The following DRC4 variants were observed in gnomAD, a reference collection of about 807,000 sequenced individuals.
DRC4 encodes the protein dynein regulatory complex subunit 4.
At chr16:90,036,680 C>T in the DRC4 span, 3 of 976,762 alleles carry the variant, frequency 3.1e-6, no homozygotes, top group Non-Finnish European at 4.8e-6. Flanking sequence ...GCTCTCCACC[C>T]CAACACACCC....
At chr16:90,020,688 C>G in the DRC4 span, 2 of 152,166 alleles carry the variant, frequency 1.3e-5, no homozygotes, top group African/African-American at 4.8e-5. Context: ...TTCAGGGCTC[C>G]CTGAATGATT....
the DRC4 span, chr16:90,043,296 G>A: frequency 3.7e-6 from 6 of 1,613,330 alleles, no homozygotes; most frequent in Non-Finnish European, 3.4e-6. Flanking sequence ...GCTGTGATCG[G>A]ACAGACACTG....
chr16:90,036,142 G>C, the DRC4 span: 20 of 584,492 alleles, frequency 3.4e-5, no homozygotes, highest in East Asian at 5.6e-4. Context: ...CCAGTGCAGG[G>C]AGCGATTAGC....
the DRC4 span, chr16:90,029,003 T>C: frequency 7.7e-7 from 1 of 1,305,282 alleles, no homozygotes; most frequent in African/African-American, 1.5e-5. Context: ...GTTTGTGTTC[T>C]GGAAAGATGT....
the DRC4 span, chr16:90,032,791 C>A: frequency 6.2e-7 from 1 of 1,613,974 alleles, no homozygotes; most frequent in African/African-American, 1.3e-5. Flanking sequence ...GCTGAGGGCA[C>A]TGTAGTCATG....
chr16:90,024,811 A>G, the DRC4 span, among the ~76,000 whole-genome samples: 1 of 151,996 alleles, frequency 6.6e-6, no homozygotes, highest in African/African-American at 2.4e-5. Flanking sequence ...ATCTCAAAAA[A>G]AACAAAAACA....
At chr16:90,043,592 C>A in the DRC4 span, 1 of 608,240 alleles carries the variant, frequency 1.6e-6, no homozygotes, top group East Asian at 3.1e-5. Flanking sequence ...GGCCTACTCC[C>A]TGGTCTCACC....
the DRC4 span, among the ~76,000 whole-genome samples, chr16:90,042,738 G>A: frequency 6.6e-6 from 1 of 152,192 alleles, no homozygotes; most frequent in Non-Finnish European, 1.5e-5. Context: ...TGCTGTCTAG[G>A]CCATGTCTCT....
At chr16:90,027,380 G>T in the DRC4 span, among the ~76,000 whole-genome samples, 2 of 152,140 alleles carry the variant, frequency 1.3e-5, no homozygotes, top group Non-Finnish European at 2.9e-5. Flanking sequence ...GAGCCACCAC[G>T]CCCGGCTCCT....
the DRC4 span, chr16:90,027,966 G>A: frequency 3.9e-6 from 2 of 507,024 alleles, no homozygotes; most frequent in African/African-American, 1.9e-5. Context: ...GGAAGGACAT[G>A]CTTTTCTGAT....
At chr16:90,019,705 G>T in the DRC4 span, 1 of 583,096 alleles carries the variant, frequency 1.7e-6, no homozygotes, top group Admixed American at 3.5e-5. This position sits in a 1 kb window ranked among gnomAD's most constrained non-coding sequence, Gnocchi z 6.1. Context: ...CCGGCCGGGC[G>T]TCCGGGGCTC....
the DRC4 span, among the ~76,000 whole-genome samples, chr16:90,026,194 G>A: frequency 1.3e-5 from 2 of 152,152 alleles, no homozygotes; most frequent in African/African-American, 4.8e-5. Context: ...AAAGTCAGCA[G>A]GATAGGATAT....
chr16:90,034,209 G>C, the DRC4 span, among the ~76,000 whole-genome samples: 3 of 152,198 alleles, frequency 2.0e-5, no homozygotes, highest in Non-Finnish European at 2.9e-5. Flanking sequence ...ACTTGGTGAC[G>C]TTGCTGACTT....
chr16:90,042,364 C>T, the DRC4 span: 1 of 850,822 alleles, frequency 1.2e-6, no homozygotes, highest in Non-Finnish European at 2.0e-6. Flanking sequence ...TCAAACCAGG[C>T]TGCTATTCGC....
the DRC4 span, chr16:90,037,322 C>T: frequency 9.3e-6 from 15 of 1,613,966 alleles, no homozygotes; most frequent in Non-Finnish European, 5.1e-6. Context: ...GGCAGACCCT[C>T]TCCAGAAGGC....
chr16:90,025,017 CTT>C, the DRC4 span, among the ~76,000 whole-genome samples: 33 of 137,246 alleles, frequency 2.4e-4, no homozygotes, highest in Non-Finnish European at 2.4e-4. Context: ...TTCTCTCTCT[CTT>C]TTTTTTTTTT....
At chr16:90,043,624 C>A in the DRC4 span, 8 of 587,176 alleles carry the variant, frequency 1.4e-5, no homozygotes, top group Non-Finnish European at 2.3e-5. Context: ...TCGGCGGCAC[C>A]TTCTCAGAGT....
chr16:90,036,315 A>G, the DRC4 span: 20 of 1,420,672 alleles, frequency 1.4e-5, no homozygotes, highest in Non-Finnish European at 1.7e-5. Flanking sequence ...TACAGGCTCC[A>G]TGTTCTGTAG....
the DRC4 span, chr16:90,040,362 G>A: frequency 1.2e-6 from 2 of 1,608,458 alleles, no homozygotes; most frequent in South Asian, 2.2e-5. Flanking sequence ...AGGTGCAGCA[G>A]AAGACAGGGT....
Sources: gnomAD v4.1 joint callset for allele counts (sites outside exome capture counted in the v4.1 genomes callset) on GRCh38, gnomAD v4.1.1 for gene constraint, Gnocchi (gnomAD v3.1) non-coding constraint, MANE v1.5 for transcripts, NCBI Gene and HGNC (gene_info 2026-07-23, HGNC 2026-07-21) for gene names.